CLVS1: variants seen among roughly 807,000 people sequenced by gnomAD.
CLVS1 encodes clavesin-1.
CLVS1 carries 10 observed loss-of-function variants against 33.1 expected under a neutral mutation model. The observed-to-expected ratio is 0.30, with a 90% CI of 0.19 to 0.51. The LOEUF (loss-of-function observed/expected upper bound fraction) is 0.51. Among genes scored for constraint, CLVS1 ranks in the 20% least tolerant of loss-of-function variants. The pLI is 0.97. For synonymous variants in CLVS1, 163 were observed against 166.1 expected (o/e 0.98, Z 0.14); for missense variants, 343 against 433.4 (o/e 0.79, Z 1.85).
At chr8:61,176,908 C>T (rs925012339) in intron 2 of CLVS1, among the ~76,000 whole-genome samples, 3 of 152,200 alleles carry the variant, frequency 2.0e-5, no homozygotes, top group Non-Finnish European at 2.9e-5. Flanking sequence ...TTCAGAACAG[C>T]CACTTGACTA....
chr8:61,341,774 A>T (rs903090705), intron 2 of CLVS1, among the ~76,000 whole-genome samples: 10 of 152,210 alleles, frequency 6.6e-5, no homozygotes, highest in Admixed American at 2.0e-4. Flanking sequence ...GTACTAACAG[A>T]TTGGGATAGA....
intron 2 of CLVS1, among the ~76,000 whole-genome samples, chr8:61,331,545 T>A (rs1811590261): frequency 6.7e-6 from 1 of 148,676 alleles, no homozygotes; most frequent in East Asian, 2.0e-4. Context: ...AAAAAAAAAC[T>A]CTTTTCTTGC....
the CLVS1 span, among the ~76,000 whole-genome samples, chr8:61,017,202 A>G: frequency 0.031 from 4,675 of 152,306 alleles, 94 homozygotes; most frequent in South Asian, 0.076. Flanking sequence ...TGGGCTCAGA[A>G]AAGCCCCAAA....
At chr8:61,315,304 G>C (rs892695916) in intron 2 of CLVS1, among the ~76,000 whole-genome samples, 1 of 152,132 alleles carries the variant, frequency 6.6e-6, no homozygotes, top group African/African-American at 2.4e-5. Flanking sequence ...TTGTCTTTGA[G>C]CAAGGATGTA....
chr8:61,491,682 A>C (rs1157692413), intron 5 of CLVS1, among the ~76,000 whole-genome samples: 2 of 152,232 alleles, frequency 1.3e-5, no homozygotes, highest in Non-Finnish European at 2.9e-5. Context: ...AGGTGTCCTT[A>C]AAACTAGGTG....
At chr8:61,292,229 T>C (rs1810020706) in intron 1 of CLVS1, 1 of 402,056 alleles carries the variant, frequency 2.5e-6, no homozygotes, top group Non-Finnish European at 5.0e-6. Context: ...GCTCAGAAAT[T>C]CTATTTCTAA....
intron 1 of CLVS1, among the ~76,000 whole-genome samples, chr8:61,065,097 C>A (rs1804651238): frequency 6.6e-6 from 1 of 152,204 alleles, no homozygotes; most frequent in South Asian, 2.1e-4. Flanking sequence ...TATCTGTGGG[C>A]AATTGGTTCC....
At chr8:61,238,453 C>T (rs1415532361) in intron 2 of CLVS1, among the ~76,000 whole-genome samples, 2 of 152,132 alleles carry the variant, frequency 1.3e-5, no homozygotes, top group Non-Finnish European at 2.9e-5. Context: ...TATTAGAAGG[C>T]TGTGGTGCGA....
At chr8:61,419,346 G>A (rs573598576) in intron 3 of CLVS1, among the ~76,000 whole-genome samples, 9 of 143,534 alleles carry the variant, frequency 6.3e-5, no homozygotes, top group South Asian at 4.4e-4. Context: ...GCAGTGAGCC[G>A]AGATCACGCC....
chr8:61,159,057 A>C (rs1806702964), intron 2 of CLVS1, among the ~76,000 whole-genome samples: 1 of 151,970 alleles, frequency 6.6e-6, no homozygotes, highest in South Asian at 2.1e-4. Context: ...TTTTTGGTAG[A>C]GATGGGGGTG....
chr8:61,044,318 A>G, the CLVS1 span, among the ~76,000 whole-genome samples: 1 of 152,182 alleles, frequency 6.6e-6, no homozygotes, highest in Non-Finnish European at 1.5e-5. Flanking sequence ...GCTATTGGGC[A>G]CTTGTAGAGA....
At chr8:61,427,414 C>T (rs1391950690) in intron 3 of CLVS1, among the ~76,000 whole-genome samples, 1 of 152,112 alleles carries the variant, frequency 6.6e-6, no homozygotes, top group Non-Finnish European at 1.5e-5. Flanking sequence ...CTGGACCCAA[C>T]CCGATGAGCA....
At chr8:61,498,996 TG>T (rs1292239331) in intron 5 of CLVS1, among the ~76,000 whole-genome samples, 22 of 152,324 alleles carry the variant, frequency 1.4e-4, no homozygotes, top group African/African-American at 5.1e-4. Context: ...ATTTAGATGC[TG>T]GGGCAGAGTG....
chr8:61,434,760 T>C (rs1474471148), intron 3 of CLVS1, among the ~76,000 whole-genome samples: 1 of 152,162 alleles, frequency 6.6e-6, no homozygotes, highest in Admixed American at 6.5e-5. Context: ...GATAGCAGAC[T>C]TCACAGAGAG....
chr8:61,435,842 A>G (rs1460265224), intron 3 of CLVS1, among the ~76,000 whole-genome samples: 1 of 152,188 alleles, frequency 6.6e-6, no homozygotes, highest in African/African-American at 2.4e-5. Context: ...AAAACCATTA[A>G]TAATTACTCA....
intron 5 of CLVS1, among the ~76,000 whole-genome samples, chr8:61,479,545 C>T (rs1314346251): frequency 1.3e-5 from 2 of 151,472 alleles, no homozygotes; most frequent in Admixed American, 6.6e-5. Context: ...TCCTTTAGCT[C>T]GGAGTAGTTG....
intron 5 of CLVS1, among the ~76,000 whole-genome samples, chr8:61,493,821 T>C (rs1804178916): frequency 6.6e-6 from 1 of 152,200 alleles, no homozygotes; most frequent in African/African-American, 2.4e-5. Context: ...GGAATGATGA[T>C]GTTGGTCCTG....
At chr8:61,339,211 G>A (rs1286972628) in intron 2 of CLVS1, among the ~76,000 whole-genome samples, 1 of 152,090 alleles carries the variant, frequency 6.6e-6, no homozygotes, top group Non-Finnish European at 1.5e-5. Flanking sequence ...GAGGAAACAG[G>A]AGAAGCATGG....
chr8:61,210,362 C>A (rs968533606), intron 2 of CLVS1, among the ~76,000 whole-genome samples: 3 of 152,212 alleles, frequency 2.0e-5, no homozygotes, highest in Admixed American at 6.5e-5. Flanking sequence ...TGGTCTTGGA[C>A]CCCCAGGCCT....
Sources: gnomAD v4.1 joint callset for allele counts (sites outside exome capture counted in the v4.1 genomes callset) on GRCh38, gnomAD v4.1.1 for gene constraint, MANE v1.5 for transcripts, NCBI Gene and HGNC (gene_info 2026-07-23, HGNC 2026-07-21) for gene names.